DNAH5: variants seen among roughly 807,000 people sequenced by gnomAD.
DNAH5 encodes dynein axonemal heavy chain 5, also known as axonemal beta dynein heavy chain 5.
Under a neutral mutation model 518.2 loss-of-function variants are expected in DNAH5, and 372 were observed. The observed-to-expected ratio is 0.72, with a 90% CI of 0.66 to 0.78. The LOEUF is 0.78. DNAH5 is among the 30% of genes least tolerant of loss of function. The probability of loss-of-function intolerance (pLI) is 0.00; values close to 1 mark genes in which losing one functional copy is unlikely to be tolerated. For synonymous variants in DNAH5, 2,039 were observed against 2,025.9 expected (o/e 1.01, Z -0.17); for missense variants, 5,523 against 5,687.0 (o/e 0.97, Z 0.93).
At chr5:13,909,589 C>T (rs10462713) in intron 12 of DNAH5, among the ~76,000 whole-genome samples, 50,102 of 151,880 alleles carry the variant, frequency 0.33, 9,207 homozygotes, top group East Asian at 0.76. Context: ...GTTTTCCAGG[C>T]CTGATCTCCC....
intron 1 of DNAH5, among the ~76,000 whole-genome samples, chr5:13,998,645 A>C (rs1276372161): frequency 6.6e-6 from 1 of 152,142 alleles, no homozygotes; most frequent in Non-Finnish European, 1.5e-5. Context: ...TACTGACTCA[A>C]TTTATTCTAA....
intron 1 of DNAH5, among the ~76,000 whole-genome samples, chr5:13,931,702 C>T (rs141408589): frequency 6.6e-6 from 1 of 152,166 alleles, no homozygotes; most frequent in African/African-American, 2.4e-5. Context: ...CTTCTGAATA[C>T]CATTGCTTGC....
chr5:13,906,775 C>T (rs1345232326), intron 12 of DNAH5, among the ~76,000 whole-genome samples: 2 of 152,078 alleles, frequency 1.3e-5, no homozygotes. Flanking sequence ...ACTTTAAACT[C>T]AACAACAACA....
chr5:13,729,647 A>G (rs1746225496), intron 68 of DNAH5, 87 bp from the exon 69 acceptor site: 1 of 1,264,474 alleles, frequency 7.9e-7, no homozygotes, highest in South Asian at 1.5e-5. Flanking sequence ...TTTTAATTTC[A>G]GTTATTTTAC....
intron 26 of DNAH5, 96 bp downstream of exon 26, chr5:13,866,124 A>G (rs1769206717): frequency 2.7e-6 from 3 of 1,131,414 alleles, no homozygotes; most frequent in East Asian, 2.4e-5. Flanking sequence ...ATATTCCACA[A>G]TAGGGCCCTC....
At chr5:13,712,064 T>G (rs577639052) in intron 75 of DNAH5, among the ~76,000 whole-genome samples, 51 of 152,174 alleles carry the variant, frequency 3.4e-4, no homozygotes, top group Admixed American at 2.9e-3. Flanking sequence ...AAAGCAAGAC[T>G]AACTACAAAG....
chr5:13,695,235 C>A (rs1022569876), intron 78 of DNAH5, among the ~76,000 whole-genome samples: 1 of 152,192 alleles, frequency 6.6e-6, no homozygotes, highest in Non-Finnish European at 1.5e-5. Context: ...AGGAGAACAA[C>A]CCGAGTATCC....
rs1456240070 is a variant in DNAH5 at position 13,691,370 on chromosome 5, T to C, written c.*614A>G. 2.4e-4 allele frequency: 37 copies of C among 152,362 alleles called. No homozygotes were observed. Among genetic ancestry groups the C allele is most frequent in the East Asian group, 1.9e-4 (1 of 5,186 alleles). The allele number at this position is 152,362 out of a possible 1,614,324, so 9.4% of individuals were successfully genotyped here. A position where few individuals can be genotyped will look rare whatever the true frequency, so the allele number is the denominator to read the frequency against. ...TAGCTTTAATTTTTATTATAAGAAT[T>C]ATCAATTAGTATTTCATTATTAATT... is the stretch of plus-strand genomic sequence containing the variant. On this transcript the variant is annotated 3_prime_UTR_variant, in exon 79 of 79. Coordinates refer to ENST00000265104, the MANE Select transcript of DNAH5 (RefSeq NM_001369.3).
chr5:13,841,844 G>A lies in DNAH5; in HGVS notation c.5332C>T (p.Pro1778Ser). Reference protein sequence around the residue: ...QEGETIELDKPVMAEGNVEVW... With the variant: ...QEGETIELDKSVMAEGNVEVW... Reference sequence around the variant, plus strand: ...TCCACATTGCCCTCTGCCATGACAGGTTTATCCAATTCAATCGTCTCACCC... The same window carrying A: ...TCCACATTGCCCTCTGCCATGACAGATTTATCCAATTCAATCGTCTCACCC... Residue 1778 changes from proline (P) to serine (S), a missense_variant, in exon 33 of 79, where the codon CCT becomes TCT. Physicochemically the swap from Pro to Ser is moderately conservative, Grantham distance 74. Coordinates refer to ENST00000265104, the MANE Select transcript of DNAH5 (RefSeq NM_001369.3). The A allele has an allele frequency of 1.3e-6, 2 of 1,542,092 alleles. No individual in the cohort carries two copies. Among genetic ancestry groups the A allele is most frequent in the Admixed American group, 1.8e-5 (1 of 55,474 alleles).
chr5:13,856,135 A>T (rs1173805241), intron 30 of DNAH5, among the ~76,000 whole-genome samples: 1 of 152,206 alleles, frequency 6.6e-6, no homozygotes, highest in Non-Finnish European at 1.5e-5. Flanking sequence ...AAGACAAGAC[A>T]TAACTAAGAT....
chr5:13,850,093 T>G (rs1360492237), intron 31 of DNAH5, among the ~76,000 whole-genome samples: 6 of 152,360 alleles, frequency 3.9e-5, no homozygotes, highest in Non-Finnish European at 8.8e-5. Context: ...TTTAACTTCC[T>G]TAAGTGTCAA....
At chr5:13,981,615 T>G (rs888374811) in intron 1 of DNAH5, among the ~76,000 whole-genome samples, 1 of 152,216 alleles carries the variant, frequency 6.6e-6, no homozygotes, top group African/African-American at 2.4e-5. Flanking sequence ...CTGTCTGCTC[T>G]CATCGGTGCT....
chr5:13,891,263 T>G, intron 16 of DNAH5, 142 bp from the exon 17 acceptor site: 1 of 830,618 alleles, frequency 1.2e-6, no homozygotes, highest in Non-Finnish European at 2.0e-6. Flanking sequence ...CCCCACTGAT[T>G]CACACTTGGT....
Position 13,885,972 on chromosome 5 carries a change from T to A in DNAH5, c.2735A>T (p.Glu912Val), listed in dbSNP as rs781678211. 4.3e-6 allele frequency: 7 copies of A among 1,612,890 alleles called. No individual in the cohort carries two copies. The South Asian group carries it at 7.7e-5, about 18-fold the overall frequency. Residue 912 changes from glutamate to valine, a missense_variant, in exon 18 of 79, where the codon GAA becomes GTA. Physicochemically the swap from Glu to Val is moderately radical, Grantham distance 121. This residue lies in a region of DNAH5 where 5,121 missense variants were observed against 5,223.3 expected (regional missense o/e 0.98). Transcript: ENST00000265104. The stretch of plus-strand genomic sequence containing the variant: ...ATTACCCCATCTCTTACCTGAACTT[T>A]CATTTTTGTAATTAACACTATTCTC... The part of the protein sequence containing the change: ...SNENSVNYKN[E>V]SSAKREEGNF...
At chr5:13,838,298 A>G (rs1255564925) in intron 35 of DNAH5, among the ~76,000 whole-genome samples, 1 of 152,154 alleles carries the variant, frequency 6.6e-6, no homozygotes, top group Non-Finnish European at 1.5e-5. Context: ...CTGAATGAGG[A>G]CAGAGTATTG....
chr5:13,820,434 C>A lies in DNAH5; in HGVS notation c.6753G>T (p.Thr2251=). The change falls in exon 41 of 79, where the codon ACG becomes ACT. Residue 2251 remains threonine, a synonymous_variant. Coordinates refer to ENST00000265104, the MANE Select transcript of DNAH5 (RefSeq NM_001369.3). ...TCATCATCCCATGTCGCACTCTCTG[C>A]GTTTCGAATAGCTGGATGACCTTCA... ...WKLKVIQLFE[T]QRVRHGMMTL... The A allele has an allele frequency of 6.2e-7, 1 of 1,614,022 alleles. No homozygotes were observed. The highest frequency in any genetic ancestry group is 8.5e-7 in the Non-Finnish European group (1 of 1,180,016).
intron 12 of DNAH5, among the ~76,000 whole-genome samples, chr5:13,903,669 G>A (rs924710223): frequency 4.6e-5 from 7 of 151,976 alleles, no homozygotes; most frequent in East Asian, 1.9e-4. Context: ...CAAATACCTC[G>A]TGGAGAACAA....
chr5:13,855,675 C>G (rs1358907534), intron 30 of DNAH5, among the ~76,000 whole-genome samples: 2 of 152,192 alleles, frequency 1.3e-5, no homozygotes, highest in African/African-American at 4.8e-5. Flanking sequence ...CTCTCCACCC[C>G]AAATCAACAG....
chr5:13,737,440 C>G lies in DNAH5; in HGVS notation c.11267G>C (p.Arg3756Thr). ...LMEDVTANKR[R>T]MKELEDNLLY... Reference sequence around the variant, plus strand: ...CAAGTTATCTTCTAGTTCCTTCATCCTTCTTTTGTTTGCAGTTACATCTTC... The same window carrying G: ...CAAGTTATCTTCTAGTTCCTTCATCGTTCTTTTGTTTGCAGTTACATCTTC... Residue 3756 changes from arginine (R) to threonine (T), a missense_variant, in exon 66 of 79, where the codon AGG becomes ACG. This residue lies in a region of DNAH5 where 5,121 missense variants were observed against 5,223.3 expected (regional missense o/e 0.98). Coordinates refer to ENST00000265104, the MANE Select transcript of DNAH5 (RefSeq NM_001369.3). 6.2e-7 allele frequency: 1 copy of G among 1,614,100 alleles called. No homozygotes were observed. The highest frequency in any genetic ancestry group is 1.3e-5 in the African/African-American group (1 of 75,042).
Sources: gnomAD v4.1 joint callset for allele counts (sites outside exome capture counted in the v4.1 genomes callset) on GRCh38, gnomAD v4.1.1 for gene constraint, gnomAD v4.1.1 regional missense constraint, MANE v1.5 for transcripts, NCBI Gene and HGNC (gene_info 2026-07-23, HGNC 2026-07-21) for gene names.